The following TOX variants were observed in gnomAD, a reference collection of about 807,000 sequenced individuals.
TOX encodes thymocyte selection-associated high mobility group box protein TOX.
TOX carries 11 observed loss-of-function variants against 53.7 expected under a neutral mutation model. The ratio of observed to expected loss-of-function variants is 0.20; its 90% CI spans 0.13 to 0.34. The LOEUF (loss-of-function observed/expected upper bound fraction) is 0.34, where lower values mean the gene tolerates loss of function less well. Among genes scored for constraint, TOX ranks in the 10% least tolerant of loss-of-function variants. The pLI is 1.00. For synonymous variants in TOX, 225 were observed against 245.3 expected (o/e 0.92, Z 0.77); for missense variants, 570 against 664.6 (o/e 0.86, Z 1.56).
chr8:59,049,821 G>C lies in TOX; in HGVS notation c.102+69065C>G, dbSNP rs1034119145. On this transcript the variant is annotated intron_variant, in intron 1 of 8. Transcript: ENST00000361421. ...GTGCTTTATAGTTTCCCAAAAGAAA[G>C]TGAATCTGTTTGAAATATGAGTATT... is the stretch of plus-strand genomic sequence containing the variant. Among the ~76,000 whole-genome samples, 8 of 152,304 alleles carry C rather than the reference G, an allele frequency of 5.3e-5. No individual in the cohort carries two copies. The South Asian group carries it at 1.2e-3, about 24-fold the overall frequency.
chr8:59,046,521 C>G (rs575150409), intron 1 of TOX, among the ~76,000 whole-genome samples: 1 of 152,154 alleles, frequency 6.6e-6, no homozygotes, highest in Non-Finnish European at 1.5e-5. Context: ...AAATAGGGAA[C>G]AATTGTGGCA....
intron 3 of TOX, among the ~76,000 whole-genome samples, chr8:58,854,244 C>G (rs937335554): frequency 5.3e-5 from 8 of 152,166 alleles, no homozygotes; most frequent in Admixed American, 5.2e-4. Flanking sequence ...TTACAAAACA[C>G]GTACAGTCTG....
At chr8:59,067,066 G>A (rs756241242) in intron 1 of TOX, among the ~76,000 whole-genome samples, 1 of 152,054 alleles carries the variant, frequency 6.6e-6, no homozygotes, top group Non-Finnish European at 1.5e-5. Context: ...AGTTGCAAGC[G>A]CCTTTTCTGC....
At chr8:58,879,193 C>T (rs1410864134) in intron 3 of TOX, among the ~76,000 whole-genome samples, 1 of 152,108 alleles carries the variant, frequency 6.6e-6, no homozygotes, top group Non-Finnish European at 1.5e-5. Context: ...CAATTAGAAT[C>T]CTATAGAACT....
Position 58,943,053 on chromosome 8 carries a change from G to A in TOX, c.169-3509C>T, listed in dbSNP as rs183314094. Among the ~76,000 whole-genome samples the A allele has an allele frequency of 2.3e-3, 356 of 152,260 alleles. 1 individual carries two copies. The highest frequency in any genetic ancestry group is 4.4e-3 in the Non-Finnish European group (299 of 68,014). ...TTCTTTGTAAATCACCCAGTCTCAG[G>A]TATTCCTTTATTACAATGCAAAAGT... On this transcript the variant is annotated intron_variant, in intron 2 of 8. Transcript: ENST00000361421.
chr8:59,045,592 G>C (rs1344886546), intron 1 of TOX, among the ~76,000 whole-genome samples: 1 of 152,150 alleles, frequency 6.6e-6, no homozygotes, highest in Non-Finnish European at 1.5e-5. Context: ...AAATTCTGGA[G>C]CATTTTCGGC....
chr8:59,023,692 G>A (rs1008821005), intron 1 of TOX, among the ~76,000 whole-genome samples: 2 of 152,170 alleles, frequency 1.3e-5, no homozygotes, highest in Non-Finnish European at 2.9e-5. Flanking sequence ...TCAAGTAAAT[G>A]CATTTCACTT....
At chr8:58,810,009 C>T (rs968396254) in intron 7 of TOX, among the ~76,000 whole-genome samples, 6 of 151,992 alleles carry the variant, frequency 3.9e-5, no homozygotes, top group African/African-American at 1.2e-4. Context: ...TGTTAGAGAC[C>T]GGGTCTTGCT....
At chr8:58,997,715 C>T (rs1375131455) in intron 1 of TOX, among the ~76,000 whole-genome samples, 1 of 152,194 alleles carries the variant, frequency 6.6e-6, no homozygotes, top group Non-Finnish European at 1.5e-5. Context: ...TTACTTTTGC[C>T]TCTCCATAAA....
At chr8:58,954,477 G>A (rs1812678968) in intron 2 of TOX, among the ~76,000 whole-genome samples, 1 of 152,178 alleles carries the variant, frequency 6.6e-6, no homozygotes, top group Non-Finnish European at 1.5e-5. Flanking sequence ...AAACAAGAAT[G>A]AGTCCTACCT....
intron 5 of TOX, among the ~76,000 whole-genome samples, chr8:58,828,486 G>GTT (rs35800256): frequency 2.1e-5 from 3 of 145,608 alleles, no homozygotes; most frequent in Admixed American, 6.9e-5. Flanking sequence ...ATATTTCAGA[G>GTT]TTTTTTTTTT....
chr8:58,832,366 T>C lies in TOX; in HGVS notation c.925-5464A>G, dbSNP rs955776574. Among the ~76,000 whole-genome samples the C allele has an allele frequency of 5.3e-5, 8 of 152,138 alleles. No homozygotes were observed. The South Asian group carries it at 1.5e-3, about 28-fold the overall frequency. ...AACTGTTTTACATATCCTTCACTCCTAGTTTTTAAAAAATTGGGAAAATGC... is the reference window on the plus strand; with the variant it reads ...AACTGTTTTACATATCCTTCACTCCCAGTTTTTAAAAAATTGGGAAAATGC... On this transcript the variant is annotated intron_variant, in intron 5 of 8. Coordinates refer to ENST00000361421, the MANE Select transcript of TOX (RefSeq NM_014729.3).
chr8:58,965,196 A>T (rs1812871974), intron 1 of TOX, among the ~76,000 whole-genome samples: 1 of 152,194 alleles, frequency 6.6e-6, no homozygotes. Flanking sequence ...AGGCTGATTT[A>T]TTTAAATCTA....
Position 58,851,183 on chromosome 8 carries a change from T to TCA in TOX, c.693+340_693+341insTG, listed in dbSNP as rs1354619978. 4.6e-4 allele frequency among the ~76,000 whole-genome samples: 65 copies of TCA among 142,718 alleles called. No homozygotes were observed. Among genetic ancestry groups the TCA allele is most frequent in the Middle Eastern group, 6.9e-3 (2 of 288 alleles). The allele number at this position is 142,718 out of a possible 152,430, so 93.6% of individuals were successfully genotyped here. A position where few individuals can be genotyped will look rare whatever the true frequency, so the allele number is the denominator to read the frequency against. ...GTCTCTCTCTCTCTCTCTCTCTCTC[T>TCA]CTCACACACACACACACACACACAC... On this transcript the variant is annotated intron_variant, in intron 4 of 8. Transcript: ENST00000361421. This position sits in a 1 kb window ranked among gnomAD's most constrained non-coding sequence, Gnocchi z 4.4.
rs572684903 is a variant in TOX, at chr8:58,831,851, A to G, written c.925-4949T>C. Among the ~76,000 whole-genome samples the G allele has an allele frequency of 3.9e-5, 6 of 152,252 alleles. No individual in the cohort carries two copies. In the South Asian group the frequency reaches 1.0e-3, roughly 26 times the overall value. The stretch of plus-strand genomic sequence containing the variant: ...ACTGAACTGCATGTTCTAAATTACA[A>G]TGTACATCAATGGAAACAGTGGACT... On this transcript the variant is annotated intron_variant, in intron 5 of 8. Coordinates refer to ENST00000361421, the MANE Select transcript of TOX (RefSeq NM_014729.3).
At chr8:58,931,745 T>G (rs1043739981) in intron 3 of TOX, among the ~76,000 whole-genome samples, 28 of 152,192 alleles carry the variant, frequency 1.8e-4, no homozygotes, top group Admixed American at 6.5e-4. Context: ...GGTCCCAGAG[T>G]TTGCTTATAG....
chr8:58,843,960 A>G (rs1810683526), intron 4 of TOX, among the ~76,000 whole-genome samples: 1 of 152,200 alleles, frequency 6.6e-6, no homozygotes, highest in Non-Finnish European at 1.5e-5. Flanking sequence ...GGCTCTTATG[A>G]CCACAAACTA....
At chr8:58,932,369 T>C (rs10283228) in intron 3 of TOX, among the ~76,000 whole-genome samples, 1,983 of 152,294 alleles carry the variant, frequency 0.013, 58 homozygotes, top group African/African-American at 0.046. Flanking sequence ...TTTCTTCTGT[T>C]AAAGTGGCAA....
At chr8:58,915,081 C>G (rs1304806967) in intron 3 of TOX, among the ~76,000 whole-genome samples, 2 of 148,758 alleles carry the variant, frequency 1.3e-5, no homozygotes, top group African/African-American at 5.0e-5. Context: ...ATTGCTAGCA[C>G]AGCAGTCTGA....
Sources: gnomAD v4.1 joint callset for allele counts (sites outside exome capture counted in the v4.1 genomes callset) on GRCh38, gnomAD v4.1.1 for gene constraint, Gnocchi (gnomAD v3.1) non-coding constraint, MANE v1.5 for transcripts, NCBI Gene and HGNC (gene_info 2026-07-23, HGNC 2026-07-21) for gene names.